LRBA: variants seen among roughly 807,000 people sequenced by gnomAD.
LRBA encodes lipopolysaccharide-responsive and beige-like anchor protein.
LRBA carries 176 observed loss-of-function variants against 330.0 expected under a neutral mutation model. That is an observed-to-expected ratio of 0.53 (90% CI 0.47 to 0.60). The LOEUF (loss-of-function observed/expected upper bound fraction) is 0.60. Among genes scored for constraint, LRBA ranks in the 20% least tolerant of loss-of-function variants. The pLI is 0.00. For synonymous variants in LRBA, 1,230 were observed against 1,193.0 expected, an observed-to-expected ratio of 1.03 and a Z score of -0.64; for missense variants, 3,259 against 3,444.8, an observed-to-expected ratio of 0.95 and a Z score of 1.35.
At chr4:150,517,649 GATT>G (rs1221354512) in intron 40 of LRBA, among the ~76,000 whole-genome samples, 2 of 152,150 alleles carry the variant, frequency 1.3e-5, no homozygotes, top group East Asian at 3.8e-4. Context: ...GCAATGAGTA[GATT>G]ATATTTATAA....
intron 46 of LRBA, among the ~76,000 whole-genome samples, chr4:150,416,189 C>G (rs1004401301): frequency 1.3e-5 from 2 of 152,268 alleles, no homozygotes; most frequent in African/African-American, 4.8e-5. Flanking sequence ...CAATATGTAA[C>G]TTTAATAATG....
chr4:150,778,024 G>C (rs1433628820), intron 34 of LRBA, among the ~76,000 whole-genome samples: 4 of 137,752 alleles, frequency 2.9e-5, no homozygotes, highest in Non-Finnish European at 6.2e-5. Context: ...TCATGCTCAA[G>C]ATACAGTAAT....
chr4:150,735,902 T>C (rs991266484), intron 35 of LRBA, among the ~76,000 whole-genome samples: 6 of 152,016 alleles, frequency 3.9e-5, no homozygotes, highest in African/African-American at 1.4e-4. Flanking sequence ...AAGCAAGAAA[T>C]AGACCAGGCC....
At chr4:150,530,375 T>C (rs1028282106) in intron 40 of LRBA, among the ~76,000 whole-genome samples, 1 of 152,180 alleles carries the variant, frequency 6.6e-6, no homozygotes, top group Non-Finnish European at 1.5e-5. Context: ...ACTATCATAG[T>C]AGACATTGTT....
chr4:150,497,239 A>G (rs1759694732), intron 40 of LRBA, among the ~76,000 whole-genome samples: 1 of 152,176 alleles, frequency 6.6e-6, no homozygotes, highest in African/African-American at 2.4e-5. Context: ...ATTTACTCAA[A>G]TAATATTGAA....
At chr4:150,835,065 C>G (rs1156877465) in intron 28 of LRBA, among the ~76,000 whole-genome samples, 1 of 152,074 alleles carries the variant, frequency 6.6e-6, no homozygotes, top group Non-Finnish European at 1.5e-5. Flanking sequence ...ATAGGGAATC[C>G]TTTCCCCATT....
At chr4:150,633,240 A>G (rs1777560929) in intron 37 of LRBA, among the ~76,000 whole-genome samples, 1 of 152,240 alleles carries the variant, frequency 6.6e-6, no homozygotes, top group African/African-American at 2.4e-5. Flanking sequence ...ATAACAATAA[A>G]AAGAGAACCT....
At chr4:150,557,339 T>G (rs1561346929) in intron 40 of LRBA, among the ~76,000 whole-genome samples, 1 of 152,146 alleles carries the variant, frequency 6.6e-6, no homozygotes, top group Admixed American at 6.5e-5. Context: ...GTGTATAAAG[T>G]TAAGGCATAA....
At position 150,921,207 on chromosome 4, in the gene LRBA, C is replaced by T; in HGVS notation, c.636G>A (p.Lys212=). 3.7e-6 allele frequency: 6 copies of T among 1,606,818 alleles called. No homozygotes were observed. The highest frequency in any genetic ancestry group is 5.1e-6 in the Non-Finnish European group (6 of 1,173,476). Residue 212 remains lysine, a synonymous_variant, in exon 5 of 57, where the codon AAG becomes AAA. Coordinates refer to ENST00000651943, the MANE Select transcript of LRBA (RefSeq NM_001364905.1). ...GPDAFFNFPG[K]SAAAIALPPI... ...ATTAATATTTACTTACTGCAGCACT[C>T]TTTCCTGGAAAGTTAAAAAAGGCAT...
chr4:150,505,460 C>A (rs1581519154), intron 40 of LRBA, among the ~76,000 whole-genome samples: 4 of 152,282 alleles, frequency 2.6e-5, no homozygotes, highest in Admixed American at 2.6e-4. Context: ...GGAAACTGAA[C>A]AACCTGCTCC....
At chr4:150,379,928 C>T (rs553588085) in intron 47 of LRBA, among the ~76,000 whole-genome samples, 114 of 148,114 alleles carry the variant, frequency 7.7e-4, no homozygotes, top group Non-Finnish European at 1.3e-3. Context: ...TTTGGGACAA[C>T]GAGGTGAGAG....
At chr4:150,991,971 C>G (rs1742140509) in intron 2 of LRBA, among the ~76,000 whole-genome samples, 1 of 152,124 alleles carries the variant, frequency 6.6e-6, no homozygotes, top group Admixed American at 6.6e-5. Context: ...TAAAGTCTGT[C>G]TCAGAGTGAG....
intron 53 of LRBA, among the ~76,000 whole-genome samples, chr4:150,288,583 C>T (rs1021042293): frequency 6.6e-6 from 1 of 152,024 alleles, no homozygotes; most frequent in Non-Finnish European, 1.5e-5. Flanking sequence ...AGCGAGACTC[C>T]GTCTCAAAAA....
At chr4:150,931,816 C>A (rs1734539353) in intron 2 of LRBA, among the ~76,000 whole-genome samples, 1 of 151,628 alleles carries the variant, frequency 6.6e-6, no homozygotes, top group South Asian at 2.1e-4. Flanking sequence ...GAAAAAAAAT[C>A]ATCAATCAAT....
intron 40 of LRBA, among the ~76,000 whole-genome samples, chr4:150,551,530 T>G (rs1362180738): frequency 6.6e-6 from 1 of 150,510 alleles, no homozygotes; most frequent in African/African-American, 2.5e-5. Flanking sequence ...AACACAAAAA[T>G]TAGCCAGGAG....
chr4:150,487,049 ACG>A (rs1303527455), intron 42 of LRBA, among the ~76,000 whole-genome samples: 17 of 151,676 alleles, frequency 1.1e-4, no homozygotes, highest in Admixed American at 5.9e-4. Flanking sequence ...ATGTACACTT[ACG>A]TTGATTTCTG....
At chr4:150,315,817 G>T (rs1002599444) in intron 50 of LRBA, among the ~76,000 whole-genome samples, 194 bp from the exon 51 acceptor site, 2 of 152,024 alleles carry the variant, frequency 1.3e-5, no homozygotes, top group Admixed American at 6.6e-5. Context: ...GATTAGTGCC[G>T]CTCTGAACTG....
chr4:150,451,352 G>GT (rs1269615872), intron 44 of LRBA, among the ~76,000 whole-genome samples: 1 of 152,120 alleles, frequency 6.6e-6, no homozygotes, highest in Non-Finnish European at 1.5e-5. Context: ...ATCATACAGC[G>GT]TATGTTCCTC....
chr4:150,639,819 GTATATATATATATATATATATA>G (rs56731034), intron 37 of LRBA, among the ~76,000 whole-genome samples: 7 of 4,532 alleles, frequency 1.5e-3, no homozygotes, highest in Non-Finnish European at 3.9e-4. Context: ...GTGTGTGTGT[GTATATATATATATATATATATA>G]TATATATATA....
Sources: allele counts gnomAD v4.1 joint callset (sites outside exome capture counted in the v4.1 genomes callset), GRCh38; gene constraint gnomAD v4.1.1; transcripts MANE v1.5; gene names NCBI Gene and HGNC (gene_info 2026-07-23, HGNC 2026-07-21).